ATP11A: variants seen among roughly 807,000 people sequenced by gnomAD.
ATP11A encodes the protein ATPase phospholipid transporting 11A.
A neutral mutation model predicts 154.4 loss-of-function variants in ATP11A; 81 were observed. The observed-to-expected ratio is 0.52, with a 90% CI of 0.44 to 0.63. The LOEUF is 0.63. Among genes scored for constraint, ATP11A ranks in the 30% least tolerant of loss-of-function variants. The pLI is 0.00. For synonymous variants in ATP11A, 623 were observed against 585.9 expected, an observed-to-expected ratio of 1.06 and a Z score of -0.91; for missense variants, 1,316 against 1,474.3, an observed-to-expected ratio of 0.89 and a Z score of 1.76.
Position 112,881,995 on chromosome 13 carries a change from T to C in ATP11A, c.*129T>C. The C allele has an allele frequency of 7.3e-7, 1 of 1,367,620 alleles. No individual in the cohort carries two copies. The highest frequency in any genetic ancestry group is 9.8e-7 in the Non-Finnish European group (1 of 1,021,934). 84.7% of individuals were successfully genotyped at this position (1,367,620 alleles called of 1,614,324 possible). A position where few individuals can be genotyped will look rare whatever the true frequency, so the allele number is the denominator to read the frequency against. ...CGGAGCCCCCACCCATCCTCGGCGG[T>C]TCCCATCACCACTGCAGTTCCATCC... On this transcript the variant is annotated 3_prime_UTR_variant, in exon 30 of 30. Coordinates refer to ENST00000375645, the MANE Select transcript of ATP11A (RefSeq NM_015205.3).
intron 2 of ATP11A, among the ~76,000 whole-genome samples, chr13:112,788,723 A>G (rs2077736440): frequency 6.7e-6 from 1 of 149,456 alleles, no homozygotes; most frequent in African/African-American, 2.5e-5. Context: ...CGCACCTGGC[A>G]TCCTGACGTG....
intron 1 of ATP11A, among the ~76,000 whole-genome samples, chr13:112,693,795 T>C (rs1345370160): frequency 6.6e-6 from 1 of 151,890 alleles, no homozygotes; most frequent in African/African-American, 2.4e-5. Flanking sequence ...CTACTAAAAA[T>C]ACAAAAATTA....
intron 18 of ATP11A, among the ~76,000 whole-genome samples, chr13:112,853,031 G>A (rs1298919415): frequency 6.6e-6 from 1 of 152,062 alleles, no homozygotes; most frequent in Non-Finnish European, 1.5e-5. Flanking sequence ...GCCCAGCCTG[G>A]GCAATATAGT....
At chr13:112,803,968 T>G (rs1333940592) in intron 2 of ATP11A, among the ~76,000 whole-genome samples, 1 of 63,990 alleles carries the variant, frequency 1.6e-5, no homozygotes, top group African/African-American at 6.9e-5. Context: ...TTTCTTCCCT[T>G]CCTTCCCTCA....
chr13:112,732,478 A>C (rs867235164), intron 1 of ATP11A, among the ~76,000 whole-genome samples: 2 of 151,038 alleles, frequency 1.3e-5, no homozygotes, highest in African/African-American at 2.4e-5. Flanking sequence ...CTCCAGCTCC[A>C]TCTCTCTCCA....
rs1211941466 is a variant in ATP11A at position 112,886,040 on chromosome 13, C to T, written c.*4174C>T. 1 of 152,330 alleles carries T rather than the reference C, an allele frequency of 6.6e-6. No homozygotes were observed. The highest frequency in any genetic ancestry group is 1.5e-5 in the Non-Finnish European group (1 of 68,104). 9.4% of individuals were successfully genotyped at this position (152,330 alleles called of 1,614,324 possible). A position where few individuals can be genotyped will look rare whatever the true frequency, so the allele number is the denominator to read the frequency against. ...ACAGCAGGACTGGCCACACCCACGCCGCACCTCATCCGTGCACGCGTCGGA... is the reference window on the plus strand; with the variant it reads ...ACAGCAGGACTGGCCACACCCACGCTGCACCTCATCCGTGCACGCGTCGGA... On this transcript the variant is annotated 3_prime_UTR_variant, in exon 30 of 30. Transcript: ENST00000375645.
At chr13:112,855,009 G>C (rs1045930283) in intron 19 of ATP11A, among the ~76,000 whole-genome samples, 4 of 152,166 alleles carry the variant, frequency 2.6e-5, no homozygotes, top group Admixed American at 6.5e-5. Context: ...TATCGATGCT[G>C]TCCTTACTGG....
chr13:112,886,427 A>G lies in ATP11A; in HGVS notation c.*4561A>G, dbSNP rs1272182585. 3.9e-5 allele frequency: 6 copies of G among 152,234 alleles called. No individual in the cohort carries two copies. Among genetic ancestry groups the G allele is most frequent in the Non-Finnish European group, 7.3e-5 (5 of 68,042 alleles). 9.4% of individuals were successfully genotyped at this position (152,234 alleles called of 1,614,324 possible). The stretch of plus-strand genomic sequence containing the variant: ...TAATGTTAGTATTATTTATTTGACA[A>G]CTCAGTGTCTAACAGCTTGATATGC... On this transcript the variant is annotated 3_prime_UTR_variant, in exon 30 of 30. Transcript: ENST00000375645.
intron 27 of ATP11A, among the ~76,000 whole-genome samples, chr13:112,873,886 G>C (rs538781757): frequency 1.3e-5 from 2 of 152,116 alleles, no homozygotes; most frequent in Non-Finnish European, 2.9e-5. Context: ...TGCATCTTCC[G>C]GGGGAGAAAG....
chr13:112,701,543 T>C (rs114521521), intron 1 of ATP11A, among the ~76,000 whole-genome samples: 134 of 152,270 alleles, frequency 8.8e-4, no homozygotes, highest in African/African-American at 3.0e-3. Flanking sequence ...TAAAAAATTA[T>C]CTGTCAGGGC....
chr13:112,729,830 A>C (rs1890303685), intron 1 of ATP11A, among the ~76,000 whole-genome samples: 1 of 152,268 alleles, frequency 6.6e-6, no homozygotes, highest in South Asian at 2.1e-4. Flanking sequence ...AAAAACGCGC[A>C]AACTGTTAAT....
intron 12 of ATP11A, among the ~76,000 whole-genome samples, chr13:112,828,139 T>TG (rs2078984985): frequency 1.5e-5 from 1 of 66,038 alleles, no homozygotes; most frequent in Non-Finnish European, 2.8e-5. Context: ...CAGCGTTGAG[T>TG]AGGGGGGAAA....
intron 1 of ATP11A, among the ~76,000 whole-genome samples, chr13:112,705,731 T>A (rs936988259): frequency 6.6e-6 from 1 of 152,230 alleles, no homozygotes; most frequent in Non-Finnish European, 1.5e-5. Flanking sequence ...TATGTGTTGC[T>A]TTTCAATAGT....
chr13:112,856,338 T>G, intron 20 of ATP11A: 1 of 288,328 alleles, frequency 3.5e-6, no homozygotes, highest in Non-Finnish European at 6.3e-6. Flanking sequence ...CTGCCCTGGC[T>G]GACTTCTGTT....
Position 112,756,148 on chromosome 13 carries a change from A to G in ATP11A, c.40-28987A>G, listed in dbSNP as rs568371232. ...CCTGGTGTTGACATATGTTGATTAT[A>G]ATGATATCCTTACAACATTAAACTA... is the stretch of plus-strand genomic sequence containing the variant. On this transcript the variant is annotated intron_variant, in intron 1 of 29. Transcript: ENST00000375645. Among the ~76,000 whole-genome samples, 3 of 152,324 alleles carry G rather than the reference A, an allele frequency of 2.0e-5. No homozygotes were observed. The South Asian group carries it at 6.2e-4, about 32-fold the overall frequency.
At chr13:112,857,127 T>C (rs892595682) in intron 20 of ATP11A, among the ~76,000 whole-genome samples, 1 of 152,186 alleles carries the variant, frequency 6.6e-6, no homozygotes, top group Non-Finnish European at 1.5e-5. Flanking sequence ...TTTGAAACAT[T>C]TCATACAAAT....
chr13:112,797,882 C>A (rs536223895), intron 2 of ATP11A, among the ~76,000 whole-genome samples: 1 of 152,132 alleles, frequency 6.6e-6, no homozygotes, highest in Non-Finnish European at 1.5e-5. Flanking sequence ...CAACAGAATA[C>A]CACAGACTGG....
chr13:112,862,837 G>A (rs188397671), intron 25 of ATP11A, among the ~76,000 whole-genome samples: 5 of 150,106 alleles, frequency 3.3e-5, no homozygotes, highest in Admixed American at 2.6e-4. Context: ...TGCAGCCCAT[G>A]CAGTTTCCCA....
chr13:112,857,830 A>G lies in ATP11A; in HGVS notation c.2431A>G (p.Ile811Val). 6.2e-7 allele frequency: 1 copy of G among 1,613,936 alleles called. No homozygotes were observed. The highest frequency in any genetic ancestry group is 1.1e-5 in the South Asian group (1 of 91,086). Residue 811 changes from isoleucine to valine, a missense_variant, in exon 21 of 30, where the codon ATC (isoleucine) becomes GTC (valine). Physicochemically the swap from Ile to Val is conservative, Grantham distance 29. Transcript: ENST00000375645. The stretch of plus-strand genomic sequence containing the variant: ...CTTTCTTTTGCAGATTGTTAAATTA[A>G]TCAAATTTTCAAAAGAGCACCCAAT... ...PLQKAQIVKL[I>V]KFSKEHPITL...
Sources: gnomAD v4.1 joint callset for allele counts (sites outside exome capture counted in the v4.1 genomes callset) on GRCh38, gnomAD v4.1.1 for gene constraint, MANE v1.5 for transcripts, NCBI Gene and HGNC (gene_info 2026-07-23, HGNC 2026-07-21) for gene names.